RCL1: variants seen among roughly 807,000 people sequenced by gnomAD.
RCL1 encodes the protein RNA 3'-terminal phosphate cyclase-like protein.
Under a neutral mutation model 42.4 loss-of-function variants are expected in RCL1, and 24 were observed. The observed-to-expected ratio is 0.57, with a 90% CI of 0.41 to 0.80. RCL1 has a LOEUF of 0.80. Ranked by LOEUF, RCL1 falls within the 30% of genes least tolerant of loss-of-function variation. The probability of loss-of-function intolerance (pLI) is 0.00; values close to 1 mark genes in which losing one functional copy is unlikely to be tolerated. For missense variants in RCL1, 578 were observed against 467.9 expected (o/e 1.24, Z -2.17); for synonymous variants, 228 against 177.3 (o/e 1.29, Z -2.27).
chr9:4,800,652 ATTTT>A (rs35340693), intron 1 of RCL1, among the ~76,000 whole-genome samples: 1,673 of 123,934 alleles, frequency 0.013, 29 homozygotes, highest in African/African-American at 0.047. Flanking sequence ...GTGTGGATGT[ATTTT>A]TTTTTTTTTT....
chr9:4,802,074 A>ATGTTTTTTTT (rs1843011817), intron 1 of RCL1, among the ~76,000 whole-genome samples: 1 of 95,458 alleles, frequency 1.0e-5, no homozygotes. Flanking sequence ...ACGCCTGGCT[A>ATGTTTTTTTT]TTTTTTTTTT....
intron 1 of RCL1, among the ~76,000 whole-genome samples, chr9:4,816,770 A>T (rs929577958): frequency 8.5e-5 from 13 of 152,206 alleles, no homozygotes; most frequent in Admixed American, 2.0e-4. Flanking sequence ...ACTATACTAC[A>T]ATAGCCATCT....
At position 4,823,630 on chromosome 9, in the gene RCL1, T is replaced by C. The variant is rs115624656; in HGVS notation, c.208+11T>C. ...AAATAAACCAAACAGGTAAGCTCCT[T>C]TTAGATTCCTAAAAGCACCTCCATG... On this transcript the variant is annotated intron_variant, in intron 2 of 8. Coordinates refer to ENST00000381750, the MANE Select transcript of RCL1 (RefSeq NM_005772.5). 2,609 of 1,596,698 alleles carry C rather than the reference T, an allele frequency of 1.6e-3. 39 individuals are homozygous for C. The African/African-American group carries it at 0.031, about 19-fold the overall frequency.
chr9:4,843,845 G>A (rs1369819331), intron 6 of RCL1, among the ~76,000 whole-genome samples: 1 of 152,110 alleles, frequency 6.6e-6, no homozygotes, highest in African/African-American at 2.4e-5. Context: ...AAGGCAATTT[G>A]GGATTATGCT....
chr9:4,839,470 T>C (rs1422268281), intron 5 of RCL1: 1 of 154,936 alleles, frequency 6.5e-6, no homozygotes, highest in Non-Finnish European at 1.4e-5. Context: ...GTGAGCTCTG[T>C]GGGATTATGT....
At chr9:4,850,039 G>A (rs1412312062) in intron 8 of RCL1, among the ~76,000 whole-genome samples, 1 of 152,212 alleles carries the variant, frequency 6.6e-6, no homozygotes, top group African/African-American at 2.4e-5. Context: ...ATTGTTGAAT[G>A]TTAGCAGAAG....
chr9:4,851,707 A>G (rs975608355), intron 8 of RCL1, among the ~76,000 whole-genome samples: 2 of 149,094 alleles, frequency 1.3e-5, no homozygotes, highest in Admixed American at 6.8e-5. Flanking sequence ...AGATTTCTAA[A>G]GAAAACCAGA....
At chr9:4,841,425 A>AGCCGGGCGCGGTGGCTC in intron 6 of RCL1, 68 bp downstream of exon 6, 1 of 1,293,914 alleles carries the variant, frequency 7.7e-7, no homozygotes, top group Non-Finnish European at 1.1e-6. Context: ...TTGAAGTTAA[A>AGCCGGGCGCGGTGGCTC]ACTGCCAGCT....
intron 1 of RCL1, among the ~76,000 whole-genome samples, chr9:4,820,380 G>T (rs183377248): frequency 1.3e-5 from 2 of 152,238 alleles, no homozygotes; most frequent in Non-Finnish European, 2.9e-5. Flanking sequence ...CCAGGGCTCC[G>T]GAACTAGCTC....
At chr9:4,822,951 A>T (rs1267877556) in intron 1 of RCL1, among the ~76,000 whole-genome samples, 1 of 152,228 alleles carries the variant, frequency 6.6e-6, no homozygotes, top group Non-Finnish European at 1.5e-5. Context: ...AGGCAGTAAT[A>T]CTGTACATTC....
chr9:4,802,651 A>G (rs1563827938), intron 1 of RCL1, among the ~76,000 whole-genome samples: 1 of 152,206 alleles, frequency 6.6e-6, no homozygotes, highest in Non-Finnish European at 1.5e-5. Flanking sequence ...GTTATTTACA[A>G]ATATACGGAA....
chr9:4,841,220 T>C lies in RCL1; in HGVS notation c.585-12T>C, dbSNP rs1172644276. ...ATTCAAGCAGAATGACATCCTTAACTCCAGGCTGCAGGTACTCTGTACGTG... is the reference window on the plus strand; with the variant it reads ...ATTCAAGCAGAATGACATCCTTAACCCCAGGCTGCAGGTACTCTGTACGTG... On this transcript the variant is annotated splice_polypyrimidine_tract_variant and intron_variant, in intron 5 of 8. Transcript: ENST00000381750. 2 of 1,613,972 alleles carry C rather than the reference T, an allele frequency of 1.2e-6. No homozygotes were observed.
chr9:4,793,971 C>T (rs1842874596), intron 1 of RCL1, among the ~76,000 whole-genome samples: 1 of 152,180 alleles, frequency 6.6e-6, no homozygotes, highest in African/African-American at 2.4e-5. Flanking sequence ...CCATTTAAAC[C>T]CACATCTCAT....
chr9:4,833,142 A>T lies in RCL1; in HGVS notation c.385-12A>T. The T allele has an allele frequency of 6.3e-7, 1 of 1,598,540 alleles. No homozygotes were observed. Reference sequence around the variant, plus strand: ...CTTAATTAAACTTTTCTTTTCTGAAATAATTTCATAGGTTGATGTTCTTAA... The same window carrying T: ...CTTAATTAAACTTTTCTTTTCTGAATTAATTTCATAGGTTGATGTTCTTAA... On this transcript the variant is annotated splice_polypyrimidine_tract_variant and intron_variant, in intron 3 of 8. Coordinates refer to ENST00000381750, the MANE Select transcript of RCL1 (RefSeq NM_005772.5).
chr9:4,811,392 T>C (rs1279553973), intron 1 of RCL1, among the ~76,000 whole-genome samples: 1 of 152,224 alleles, frequency 6.6e-6, no homozygotes, highest in East Asian at 1.9e-4. Context: ...TGTACTTTTA[T>C]ATTTGTTAAC....
chr9:4,821,733 G>T (rs1412281919), intron 1 of RCL1, among the ~76,000 whole-genome samples: 1 of 152,088 alleles, frequency 6.6e-6, no homozygotes, highest in Non-Finnish European at 1.5e-5. Context: ...TCCCACCTCA[G>T]CCTCCTGAGT....
chr9:4,793,248 C>T (rs772510162), intron 1 of RCL1, 21 bp downstream of exon 1: 20 of 1,573,550 alleles, frequency 1.3e-5, no homozygotes, highest in African/African-American at 2.7e-5. Flanking sequence ...GTGGGCGGCG[C>T]GCGGCGTGGG....
Position 4,844,593 on chromosome 9 carries a change from C to A in RCL1, c.779C>A (p.Ala260Asp), listed in dbSNP as rs746748876. The A allele has an allele frequency of 1.2e-6, 2 of 1,613,882 alleles. No homozygotes were observed. The highest frequency in any genetic ancestry group is 1.3e-5 in the African/African-American group (1 of 74,924). Residue 260 changes from alanine (A) to aspartate (D), a missense_variant, in exon 7 of 9, where the codon GCC becomes GAC. Transcript: ENST00000381750. ...GGCACCTTCCTCAGTGCTGAACTGGCCTCCAACCCCCAGGGCCAGGGAGCA... is the reference window on the plus strand; with the variant it reads ...GGCACCTTCCTCAGTGCTGAACTGGACTCCAACCCCCAGGGCCAGGGAGCA... ...TSGTFLSAEL[A>D]SNPQGQGAAV...
chr9:4,828,355 G>A (rs150152856), intron 3 of RCL1, among the ~76,000 whole-genome samples: 5 of 152,006 alleles, frequency 3.3e-5, no homozygotes, highest in African/African-American at 1.2e-4. Flanking sequence ...GAGATTGCTG[G>A]TATTCATCAA....
Sources: allele counts gnomAD v4.1 joint callset (sites outside exome capture counted in the v4.1 genomes callset), GRCh38; gene constraint gnomAD v4.1.1; transcripts MANE v1.5; gene names NCBI Gene and HGNC (gene_info 2026-07-23, HGNC 2026-07-21).